Variants in NR3C2 observed in about 807,000 individuals in gnomAD.
NR3C2 encodes nuclear receptor subfamily 3 group C member 2, also known as mineralocorticoid receptor.
In NR3C2, 15 loss-of-function variants were observed where a neutral mutation model predicts 86.4. The observed-to-expected ratio is 0.17, with a 90% confidence interval of 0.12 to 0.27. The LOEUF (loss-of-function observed/expected upper bound fraction) is 0.27. NR3C2 is among the 10% of genes least tolerant of loss of function. NR3C2 has a pLI of 1.00. For synonymous variants in NR3C2, 458 were observed against 450.5 expected (o/e 1.02, Z -0.21); for missense variants, 960 against 1,195.6 (o/e 0.80, Z 2.91).
At chr4:148,134,633 CTCTCTCTCTCTTTTT>C (rs928015716) in intron 6 of NR3C2, among the ~76,000 whole-genome samples, 30 of 69,874 alleles carry the variant, frequency 4.3e-4, no homozygotes, top group African/African-American at 1.4e-3. Flanking sequence ...GATTCTCTCT[CTCTCTCTCTCTTTTT>C]TTTTTTTTTT....
intron 2 of NR3C2, among the ~76,000 whole-genome samples, chr4:148,282,042 T>A (rs1175948053): frequency 6.6e-6 from 1 of 152,214 alleles, no homozygotes; most frequent in Non-Finnish European, 1.5e-5. Flanking sequence ...ATATATTTAT[T>A]TATTTTTGAG....
chr4:148,322,930 G>A (rs1402127120), intron 2 of NR3C2, among the ~76,000 whole-genome samples: 4 of 145,184 alleles, frequency 2.8e-5, no homozygotes, highest in South Asian at 4.7e-4. Context: ...GAGGAACTGC[G>A]TTCCTTTGGA....
At chr4:148,275,434 CTT>C (rs1183326993) in intron 2 of NR3C2, among the ~76,000 whole-genome samples, 5 of 144,822 alleles carry the variant, frequency 3.5e-5, no homozygotes, top group Admixed American at 6.9e-5. Flanking sequence ...CTTATCTTAT[CTT>C]TTTTTTTTTT....
intron 6 of NR3C2, among the ~76,000 whole-genome samples, chr4:148,151,102 G>C (rs763877927): frequency 2.6e-5 from 4 of 152,060 alleles, no homozygotes; most frequent in African/African-American, 4.8e-5. Flanking sequence ...CAATGTGAAT[G>C]TAATTAATGC....
chr4:148,201,513 T>C (rs746405978), intron 3 of NR3C2, among the ~76,000 whole-genome samples: 1 of 152,216 alleles, frequency 6.6e-6, no homozygotes, highest in African/African-American at 2.4e-5. Flanking sequence ...ACTCAGAAGA[T>C]TGGTCCTTTG....
At position 148,108,761 on chromosome 4, in the gene NR3C2, A is replaced by G. The variant is rs778789839; in HGVS notation, c.2799+5343T>C. On this transcript the variant is annotated intron_variant, in intron 8 of 8. Coordinates refer to ENST00000358102, the MANE Select transcript of NR3C2 (RefSeq NM_000901.5). ...AACGCCTCCAAGCCAAGGCCTGCTCAGCTCATGTTGAGGCCAACTAACATT... is the reference window on the plus strand; with the variant it reads ...AACGCCTCCAAGCCAAGGCCTGCTCGGCTCATGTTGAGGCCAACTAACATT... Among the ~76,000 whole-genome samples the G allele has an allele frequency of 5.4e-4, 82 of 152,194 alleles. 1 individual carries two copies. The highest frequency in any genetic ancestry group is 2.2e-3 in the Admixed American group (34 of 15,282).
intron 3 of NR3C2, among the ~76,000 whole-genome samples, chr4:148,259,688 C>T (rs1352480635): frequency 1.3e-5 from 2 of 152,136 alleles, no homozygotes; most frequent in African/African-American, 4.8e-5. Flanking sequence ...ATTAAATTTA[C>T]AATGACAAGG....
chr4:148,299,868 G>C (rs1468062234), intron 2 of NR3C2, among the ~76,000 whole-genome samples: 3 of 152,038 alleles, frequency 2.0e-5, no homozygotes, highest in Non-Finnish European at 4.4e-5. Context: ...ACTTTTAAAA[G>C]AAAGGTCCTT....
intron 8 of NR3C2, among the ~76,000 whole-genome samples, chr4:148,096,636 T>C (rs970181395): frequency 6.6e-6 from 1 of 152,214 alleles, no homozygotes; most frequent in Non-Finnish European, 1.5e-5. Context: ...AGGTCAAATC[T>C]GGCCTCATGC....
At chr4:148,226,366 T>C (rs1738162689) in intron 3 of NR3C2, among the ~76,000 whole-genome samples, 1 of 152,200 alleles carries the variant, frequency 6.6e-6, no homozygotes, top group East Asian at 1.9e-4. Flanking sequence ...AAATGAACCA[T>C]ACAGTAAGCA....
At chr4:148,259,941 A>T in intron 3 of NR3C2, 37 bp downstream of exon 3, 1 of 1,613,800 alleles carries the variant, frequency 6.2e-7, no homozygotes, top group Non-Finnish European at 8.5e-7. Flanking sequence ...CACACTAGGA[A>T]AAAATATGTA....
intron 2 of NR3C2, among the ~76,000 whole-genome samples, chr4:148,399,923 C>G (rs949557588): frequency 1.3e-5 from 2 of 152,204 alleles, no homozygotes; most frequent in Non-Finnish European, 2.9e-5. Flanking sequence ...AAACCATAAA[C>G]TTTTCTACTT....
At chr4:148,188,930 T>A (rs1736065911) in intron 4 of NR3C2, among the ~76,000 whole-genome samples, 2 of 150,152 alleles carry the variant, frequency 1.3e-5, no homozygotes, top group Admixed American at 1.3e-4. Context: ...TTGCTGAGTT[T>A]TTTTTTTTTT....
intron 8 of NR3C2, among the ~76,000 whole-genome samples, chr4:148,109,071 A>C (rs1731932338): frequency 6.6e-6 from 1 of 152,172 alleles, no homozygotes; most frequent in South Asian, 2.1e-4. Flanking sequence ...GCAGTGAGTC[A>C]AGGAAGTTCT....
At chr4:148,282,883 T>A (rs1451067124) in intron 2 of NR3C2, among the ~76,000 whole-genome samples, 2 of 152,080 alleles carry the variant, frequency 1.3e-5, no homozygotes, top group African/African-American at 2.4e-5. Context: ...TGGGCCTTAC[T>A]GGACTGCAAA....
intron 3 of NR3C2, among the ~76,000 whole-genome samples, chr4:148,239,420 G>A (rs747231489): frequency 5.3e-5 from 8 of 152,208 alleles, no homozygotes; most frequent in Non-Finnish European, 1.2e-4. Flanking sequence ...TTTGCCTGCT[G>A]CTTCTGGCTC....
At position 148,131,210 on chromosome 4, in the gene NR3C2, T is replaced by C. The variant is rs115622998; in HGVS notation, c.2511-10922A>G. Among the ~76,000 whole-genome samples the C allele has an allele frequency of 4.2e-3, 636 of 152,270 alleles. 4 individuals carry two copies. Among genetic ancestry groups the C allele is most frequent in the African/African-American group, 0.014 (602 of 41,554 alleles). On this transcript the variant is annotated intron_variant, in intron 6 of 8. Transcript: ENST00000358102. ...GTGTGTGTGTTACATTGTCAGAATGTAGGCAGCAATAGTGTCAATCTCGCA... is the reference window on the plus strand; with the variant it reads ...GTGTGTGTGTTACATTGTCAGAATGCAGGCAGCAATAGTGTCAATCTCGCA...
At chr4:148,259,817 C>A in intron 3 of NR3C2, 161 bp downstream of exon 3, 5 of 868,936 alleles carry the variant, frequency 5.8e-6, no homozygotes, top group South Asian at 1.7e-5. Context: ...TGTGGAAAAT[C>A]TCCAGGTGGT....
chr4:148,153,995 T>C (rs1304320306), intron 5 of NR3C2, among the ~76,000 whole-genome samples: 3 of 150,820 alleles, frequency 2.0e-5, no homozygotes, highest in African/African-American at 4.9e-5. Flanking sequence ...GTGTATGTCA[T>C]TTTTTTTATT....
Sources: allele counts gnomAD v4.1 joint callset (sites outside exome capture counted in the v4.1 genomes callset), GRCh38; gene constraint gnomAD v4.1.1; transcripts MANE v1.5; gene names NCBI Gene and HGNC (gene_info 2026-07-23, HGNC 2026-07-21).